ZNF808: variants seen among roughly 807,000 people sequenced by gnomAD.
The protein encoded by ZNF808 is zinc finger protein 808.
A neutral mutation model predicts 8.7 loss-of-function variants in ZNF808; 5 were observed. The ratio of observed to expected loss-of-function variants is 0.58; its 90% CI spans 0.30 to 1.21. The LOEUF is 1.21. Ranked by LOEUF, ZNF808 falls within the 50% of genes most tolerant of loss-of-function variation. The pLI is 0.07. For synonymous variants in ZNF808, 380 were observed against 366.0 expected (o/e 1.04, Z -0.44); for missense variants, 1,103 against 1,098.4 (o/e 1.00, Z -0.06).
At chr19:52,552,795 T>C (rs2059790554) in intron 4 of ZNF808, among the ~76,000 whole-genome samples, 1 of 151,940 alleles carries the variant, frequency 6.6e-6, no homozygotes, top group Non-Finnish European at 1.5e-5. Flanking sequence ...GTGACAGTGA[T>C]ATGTTTTTTG....
chr19:52,563,284 A>G (rs911557154), intron 3 of ZNF808: 2 of 152,240 alleles, frequency 1.3e-5, no homozygotes, highest in South Asian at 2.1e-4. Context: ...GGGTTACAAT[A>G]TTTTATTAAT....
chr19:52,530,979 C>T (rs1057365865), intron 1 of ZNF808, among the ~76,000 whole-genome samples: 44 of 151,526 alleles, frequency 2.9e-4, no homozygotes, highest in Admixed American at 5.3e-4. Context: ...TCCGTCTCCC[C>T]GCCCCCCAAA....
chr19:52,535,805 C>T (rs1264095350), intron 2 of ZNF808, among the ~76,000 whole-genome samples: 1 of 152,232 alleles, frequency 6.6e-6, no homozygotes, highest in East Asian at 1.9e-4. Context: ...GCCTTCCTGG[C>T]CGCTCTCACC....
chr19:52,551,035 A>G (rs973303275), intron 4 of ZNF808, among the ~76,000 whole-genome samples: 5 of 152,028 alleles, frequency 3.3e-5, no homozygotes, highest in African/African-American at 1.2e-4. Context: ...AGTCAGGCAA[A>G]CATAATGAAA....
intron 2 of ZNF808, among the ~76,000 whole-genome samples, chr19:52,539,275 C>A (rs2059645553): frequency 6.8e-6 from 1 of 147,542 alleles, no homozygotes; most frequent in Non-Finnish European, 1.5e-5. Context: ...CTCACTGCAA[C>A]CTCTGCCTCC....
chr19:52,542,243 T>C (rs2059678191), intron 2 of ZNF808, among the ~76,000 whole-genome samples: 1 of 152,062 alleles, frequency 6.6e-6, no homozygotes, highest in Admixed American at 6.6e-5. Flanking sequence ...ACAGTCGACT[T>C]TCAAAATGCT....
chr19:52,543,026 G>A (rs441549), intron 2 of ZNF808, among the ~76,000 whole-genome samples: 50,199 of 151,258 alleles, frequency 0.33, 9,177 homozygotes, highest in East Asian at 0.52. Flanking sequence ...TGCAGCCCAG[G>A]TCCCCCCTGC....
chr19:52,550,105 C>A (rs1053737556), intron 4 of ZNF808, among the ~76,000 whole-genome samples: 5 of 152,200 alleles, frequency 3.3e-5, no homozygotes, highest in South Asian at 4.1e-4. Flanking sequence ...GTCGTGGGAT[C>A]CTTCATGCCC....
Position 52,553,528 on chromosome 19 carries a change from T to A in ZNF808, c.612T>A (p.Ile204=). The part of the protein sequence containing the change: ...QRISCRPQIH[I]SNNYGNNPLN... Reference sequence around the variant, plus strand: ...TTTCCTGTAGGCCCCAAATCCATATTTCTAATAACTATGGGAATAATCCCC... The same window carrying A: ...TTTCCTGTAGGCCCCAAATCCATATATCTAATAACTATGGGAATAATCCCC... Residue 204 remains isoleucine, a synonymous_variant, in exon 5 of 5, where the codon ATT becomes ATA. Transcript: ENST00000359798. The A allele has an allele frequency of 6.2e-7, 1 of 1,614,180 alleles. No individual in the cohort carries two copies. Among genetic ancestry groups the A allele is most frequent in the Non-Finnish European group, 8.5e-7 (1 of 1,180,032 alleles).
exon 4 of ZNF808, chr19:52,564,340 G>C (rs746367024): frequency 1.4e-5 from 8 of 557,942 alleles, no homozygotes; most frequent in Non-Finnish European, 2.5e-5. Context: ...TGTTTTATTG[G>C]GAATATATTT....
intron 3 of ZNF808, among the ~76,000 whole-genome samples, chr19:52,545,767 G>T (rs548492794): frequency 6.6e-5 from 10 of 150,378 alleles, no homozygotes; most frequent in African/African-American, 2.4e-4. Context: ...GCAATAGAGT[G>T]AGACTCCATC....
chr19:52,535,330 CAAAAAAAAA>C (rs560559835), intron 2 of ZNF808, among the ~76,000 whole-genome samples: 12 of 70,138 alleles, frequency 1.7e-4, no homozygotes, highest in Admixed American at 8.5e-4. Flanking sequence ...GACTCCGTCT[CAAAAAAAAA>C]AAAAAAAAAA....
exon 4 of ZNF808, chr19:52,563,901 C>T: frequency 3.6e-6 from 1 of 274,842 alleles, no homozygotes; most frequent in Non-Finnish European, 6.9e-6. Flanking sequence ...GAGGCTGAGG[C>T]AGAAGAATTG....
intron 2 of ZNF808, among the ~76,000 whole-genome samples, 175 bp downstream of exon 2, chr19:52,533,184 C>T (rs933375550): frequency 6.6e-6 from 1 of 152,008 alleles, no homozygotes; most frequent in African/African-American, 2.4e-5. Flanking sequence ...TCTTTCTTTT[C>T]TTTTGTTTAA....
Position 52,534,418 on chromosome 19 carries a change from T to C in ZNF808, c.-20+1409T>C, listed in dbSNP as rs2059586652. On this transcript the variant is annotated intron_variant, in intron 2 of 4. Coordinates refer to ENST00000359798, the MANE Select transcript of ZNF808 (RefSeq NM_001039886.4). ...TATAGAACACTGAAGTTTCTTTCTC[T>C]CTTTTCAACCTCTTAGCTGTTTGCC... 3.3e-5 allele frequency among the ~76,000 whole-genome samples: 5 copies of C among 152,366 alleles called. No individual in the cohort carries two copies. In the South Asian group the frequency reaches 1.0e-3, roughly 32 times the overall value.
chr19:52,554,521 A>T lies in ZNF808; in HGVS notation c.1605A>T (p.Leu535=), dbSNP rs2123203435. The change falls in exon 5 of 5, where the codon CTA becomes CTT. Residue 535 remains leucine (L), a synonymous_variant. Coordinates refer to ENST00000359798, the MANE Select transcript of ZNF808 (RefSeq NM_001039886.4). ...SLVYHRRLHT[L]EKSYKCTVCN... ...TATACCATCGTAGACTTCACACTCT[A>T]GAGAAATCTTACAAATGTACGGTTT... 1.2e-6 allele frequency: 2 copies of T among 1,614,180 alleles called. No homozygotes were observed. Among genetic ancestry groups the T allele is most frequent in the East Asian group, 4.5e-5 (2 of 44,882 alleles).
In ZNF808 at chr19:52,555,517, A is replaced by G. The variant is rs1336118093; in HGVS notation, c.2601A>G (p.Ile867Met). 1 of 1,614,150 alleles carries G rather than the reference A, an allele frequency of 6.2e-7. No individual in the cohort carries two copies. Among genetic ancestry groups the G allele is most frequent in the Admixed American group, 1.7e-5 (1 of 60,018 alleles). Residue 867 changes from isoleucine (I) to methionine (M), a missense_variant, in exon 5 of 5, where the codon ATA (isoleucine) becomes ATG (methionine). Physicochemically the swap from Ile to Met is conservative, Grantham distance 10. Coordinates refer to ENST00000359798, the MANE Select transcript of ZNF808 (RefSeq NM_001039886.4). ...AATCACACCTTAAAAGACATAGGAT[A>G]ATTCATACTGGAGAGAAACCTTACA... is the stretch of plus-strand genomic sequence containing the variant. Reference protein sequence around the residue: ...SRKSHLKRHRIIHTGEKPYKC... With the variant: ...SRKSHLKRHRMIHTGEKPYKC...
chr19:52,541,144 A>G (rs566309033), intron 2 of ZNF808, among the ~76,000 whole-genome samples: 19 of 151,310 alleles, frequency 1.3e-4, no homozygotes, highest in Non-Finnish European at 2.1e-4. Flanking sequence ...TAGAGACGGG[A>G]TGTCACCATA....
chr19:52,558,944 C>T (rs2059847777), downstream of ZNF808, among the ~76,000 whole-genome samples: 1 of 152,180 alleles, frequency 6.6e-6, no homozygotes. Flanking sequence ...TGTTAAAAGT[C>T]ATCACCACTC....
Sources: allele counts gnomAD v4.1 joint callset (sites outside exome capture counted in the v4.1 genomes callset), GRCh38; gene constraint gnomAD v4.1.1; transcripts MANE v1.5; gene names NCBI Gene and HGNC (gene_info 2026-07-23, HGNC 2026-07-21).